MED27: variants seen among roughly 807,000 people sequenced by gnomAD.
MED27 encodes the protein mediator of RNA polymerase II transcription subunit 27.
A neutral mutation model predicts 38.2 loss-of-function variants in MED27; 30 were observed. The observed-to-expected ratio is 0.79, with a 90% CI of 0.59 to 1.07. The LOEUF is 1.07. Among genes scored for constraint, MED27 ranks in the 50% least tolerant of loss-of-function variants. The pLI is 0.00. For synonymous variants in MED27, 122 were observed against 153.5 expected (o/e 0.79, Z 1.52); for missense variants, 289 against 397.5 (o/e 0.73, Z 2.32).
intron 6 of MED27, among the ~76,000 whole-genome samples, chr9:131,871,410 C>G (rs1382852347): frequency 1.3e-5 from 2 of 152,090 alleles, no homozygotes; most frequent in Non-Finnish European, 2.9e-5. Context: ...GGAGAAAAAC[C>G]CTCTTAATAC....
intron 5 of MED27, among the ~76,000 whole-genome samples, chr9:131,888,604 G>A (rs777133313): frequency 5.9e-5 from 9 of 152,148 alleles, no homozygotes; most frequent in Non-Finnish European, 1.2e-4. Context: ...CAGTGGAATC[G>A]ATTCAAAATT....
chr9:131,868,656 C>A, intron 6 of MED27: 2 of 985,504 alleles, frequency 2.0e-6, no homozygotes, highest in Non-Finnish European at 2.4e-6. Context: ...GTGAGGGCAG[C>A]AGTGTGGGAG....
At chr9:132,070,461 G>T (rs1833912965) in intron 2 of MED27, among the ~76,000 whole-genome samples, 1 of 152,178 alleles carries the variant, frequency 6.6e-6, no homozygotes. Context: ...GGGGGCTGAT[G>T]CAGGAAGACC....
At position 132,052,763 on chromosome 9, in the gene MED27, G is replaced by T. The variant is rs1427937551; in HGVS notation, c.348+24679C>A. Among the ~76,000 whole-genome samples the T allele has an allele frequency of 3.3e-5, 5 of 149,404 alleles. No homozygotes were observed. The Admixed American group carries it at 3.4e-4, about 10-fold the overall frequency. On this transcript the variant is annotated intron_variant, in intron 2 of 7. Coordinates refer to ENST00000292035, the MANE Select transcript of MED27 (RefSeq NM_004269.4). The stretch of plus-strand genomic sequence containing the variant: ...GCTCCCACTTAACAAGTGAGAGCAT[G>T]CAGTACTTGACCTTCCATTTCTGAG...
chr9:131,907,605 A>T (rs2131529872), intron 4 of MED27, among the ~76,000 whole-genome samples: 1 of 151,988 alleles, frequency 6.6e-6, no homozygotes, highest in African/African-American at 2.4e-5. Context: ...TGGCCCCCCA[A>T]AGTGCCGAGA....
chr9:131,997,838 A>C lies in MED27; in HGVS notation c.479+16499T>G, dbSNP rs938772961. 3.9e-5 allele frequency among the ~76,000 whole-genome samples: 6 copies of C among 152,124 alleles called. No homozygotes were observed. Among genetic ancestry groups the C allele is most frequent in the African/African-American group, 1.4e-4 (6 of 41,412 alleles). On this transcript the variant is annotated intron_variant, in intron 3 of 7. Transcript: ENST00000292035. This position sits in a 1 kb window ranked among gnomAD's most constrained non-coding sequence, Gnocchi z 4.0. ...CAAAGGACAGCGTTCAAACTACATG[A>C]GTGCTCTATGCGGTGGCTTTCATTA...
intron 2 of MED27, among the ~76,000 whole-genome samples, chr9:132,028,705 C>T (rs1361558485): frequency 1.3e-5 from 2 of 152,062 alleles, no homozygotes; most frequent in African/African-American, 4.8e-5. Context: ...GTGGTATAAT[C>T]AAGGACATTA....
At chr9:131,964,207 G>A (rs1283609833) in intron 3 of MED27, among the ~76,000 whole-genome samples, 1 of 150,570 alleles carries the variant, frequency 6.6e-6, no homozygotes, top group Non-Finnish European at 1.5e-5. Context: ...GATTAAATAA[G>A]GTAATCAGTG....
At chr9:131,876,659 G>A (rs1176783917) in intron 6 of MED27, among the ~76,000 whole-genome samples, 4 of 152,044 alleles carry the variant, frequency 2.6e-5, no homozygotes, top group African/African-American at 4.8e-5. Context: ...TTGGCGACCT[G>A]GTCAATACAG....
intron 6 of MED27, among the ~76,000 whole-genome samples, chr9:131,864,552 GAAGAATGA>G (rs1249078270): frequency 8.5e-5 from 13 of 152,256 alleles, no homozygotes; most frequent in Admixed American, 6.5e-4. Context: ...TTAGCTTTGA[GAAGAATGA>G]ACATAGGTCT....
At chr9:131,981,797 A>T (rs1175962877) in intron 3 of MED27, among the ~76,000 whole-genome samples, 1 of 152,224 alleles carries the variant, frequency 6.6e-6, no homozygotes, top group African/African-American at 2.4e-5. Context: ...ACGGCGGCCA[A>T]GGAGGCAACG....
At chr9:131,960,180 C>T (rs1055858821) in intron 3 of MED27, among the ~76,000 whole-genome samples, 5 of 152,158 alleles carry the variant, frequency 3.3e-5, no homozygotes, top group African/African-American at 7.2e-5. Context: ...TAAATGTCAA[C>T]GGCTTTAGAA....
chr9:131,865,123 C>T (rs564200134), intron 6 of MED27, among the ~76,000 whole-genome samples: 11 of 152,326 alleles, frequency 7.2e-5, no homozygotes, highest in African/African-American at 2.4e-4. Flanking sequence ...TAAACACCTG[C>T]GCTTTCTTGC....
chr9:132,053,105 T>C (rs553095553), intron 2 of MED27, among the ~76,000 whole-genome samples: 5 of 151,900 alleles, frequency 3.3e-5, no homozygotes, highest in Non-Finnish European at 7.4e-5. Context: ...TACAAAAAAT[T>C]AGCCGGGCGT....
chr9:132,044,665 A>G (rs1039674479), intron 2 of MED27, among the ~76,000 whole-genome samples: 4 of 152,248 alleles, frequency 2.6e-5, no homozygotes, highest in African/African-American at 7.2e-5. Context: ...CATCTGAAGG[A>G]CAACTCTGTA....
chr9:131,860,530 C>T lies in MED27; in HGVS notation c.*8G>A, dbSNP rs749935297. On this transcript the variant is annotated 3_prime_UTR_variant, in exon 8 of 8. Transcript: ENST00000292035. This position sits in a 1 kb window ranked among gnomAD's most constrained non-coding sequence, Gnocchi z 5.8. ...GGGTGGGGTCTGAGGCTGGGGCCAGCGTGGGGGCTACTGCCGGCAGGTGTC... is the reference window on the plus strand; with the variant it reads ...GGGTGGGGTCTGAGGCTGGGGCCAGTGTGGGGGCTACTGCCGGCAGGTGTC... 3.4e-5 allele frequency: 51 copies of T among 1,514,090 alleles called. No homozygotes were observed. The highest frequency in any genetic ancestry group is 8.7e-5 in the Admixed American group (4 of 45,716). The allele number at this position is 1,514,090 out of a possible 1,614,324, so 93.8% of individuals were successfully genotyped here.
chr9:131,965,769 T>C (rs1214738930), intron 3 of MED27, among the ~76,000 whole-genome samples: 1 of 152,098 alleles, frequency 6.6e-6, no homozygotes, highest in Non-Finnish European at 1.5e-5. Flanking sequence ...AAATAAAGGA[T>C]TCCACTTAAC....
chr9:132,042,947 T>A (rs1393395785), intron 2 of MED27, among the ~76,000 whole-genome samples: 1 of 152,160 alleles, frequency 6.6e-6, no homozygotes, highest in Non-Finnish European at 1.5e-5. Flanking sequence ...GAGAGGTCAA[T>A]ACACAGATAT....
intron 2 of MED27, among the ~76,000 whole-genome samples, chr9:132,063,850 A>C (rs1217622068): frequency 1.3e-5 from 2 of 152,210 alleles, no homozygotes; most frequent in African/African-American, 4.8e-5. Flanking sequence ...AGCTAGGTGC[A>C]TTCACCACCC....
Sources: gnomAD v4.1 joint callset for allele counts (sites outside exome capture counted in the v4.1 genomes callset) on GRCh38, gnomAD v4.1.1 for gene constraint, Gnocchi (gnomAD v3.1) non-coding constraint, MANE v1.5 for transcripts, NCBI Gene and HGNC (gene_info 2026-07-23, HGNC 2026-07-21) for gene names.